The following NCOA2 variants were observed in gnomAD, a reference collection of about 807,000 sequenced individuals.
The protein encoded by NCOA2 is nuclear receptor coactivator 2.
In NCOA2, 21 loss-of-function variants were observed where a neutral mutation model predicts 145.1. That is an observed-to-expected ratio of 0.14 (90% CI 0.10 to 0.21). The LOEUF is 0.21. Ranked by LOEUF, NCOA2 falls within the 10% of genes least tolerant of loss-of-function variation. NCOA2 has a pLI of 1.00. For missense variants in NCOA2, 1,472 were observed against 1,837.6 expected (o/e 0.80, Z 3.64); for synonymous variants, 619 against 637.5 (o/e 0.97, Z 0.44).
chr8:70,144,987 TCA>T (rs903979396), intron 12 of NCOA2, 139 bp from the exon 13 acceptor site: 24 of 711,778 alleles, frequency 3.4e-5, no homozygotes, highest in African/African-American at 7.1e-5. Flanking sequence ...AAAGACAAAA[TCA>T]CAGACAAAAA....
intron 1 of NCOA2, among the ~76,000 whole-genome samples, chr8:70,309,482 C>G (rs1226930486): frequency 6.6e-6 from 1 of 150,920 alleles, no homozygotes; most frequent in Non-Finnish European, 1.5e-5. Flanking sequence ...TTCATTTACC[C>G]AACAAAGATT....
At chr8:70,235,123 T>C (rs1821481816) in intron 2 of NCOA2, among the ~76,000 whole-genome samples, 2 of 152,178 alleles carry the variant, frequency 1.3e-5, no homozygotes, top group South Asian at 2.1e-4. Flanking sequence ...ACACATATAA[T>C]AGAATATTAT....
chr8:70,255,570 T>C (rs1443729623), intron 2 of NCOA2, among the ~76,000 whole-genome samples: 1 of 152,222 alleles, frequency 6.6e-6, no homozygotes, highest in Non-Finnish European at 1.5e-5. Flanking sequence ...AAATGTGACT[T>C]TGAATCTCTC....
At chr8:70,376,548 A>G (rs1811684458) in intron 1 of NCOA2, among the ~76,000 whole-genome samples, 1 of 152,232 alleles carries the variant, frequency 6.6e-6, no homozygotes, top group South Asian at 2.1e-4. Flanking sequence ...TTCAGTTTGA[A>G]AAATTCTATT....
chr8:70,434,571 C>G, the NCOA2 span, among the ~76,000 whole-genome samples: 37,610 of 151,960 alleles, frequency 0.25, 4,856 homozygotes, highest in Middle Eastern at 0.31. Context: ...TTCTTTCTTT[C>G]TTTTTTCTTT....
chr8:70,263,938 C>T (rs570645927), intron 2 of NCOA2, among the ~76,000 whole-genome samples: 4 of 152,134 alleles, frequency 2.6e-5, no homozygotes, highest in Non-Finnish European at 5.9e-5. Flanking sequence ...GTGGGCCAGG[C>T]GTGGTGGCTC....
chr8:70,318,696 T>C (rs1019731859), intron 1 of NCOA2, among the ~76,000 whole-genome samples: 1 of 151,842 alleles, frequency 6.6e-6, no homozygotes, highest in Non-Finnish European at 1.5e-5. Flanking sequence ...GCCCAGGAGG[T>C]TGAGGCTGCC....
In NCOA2 at chr8:70,156,010, T is replaced by C. The variant is rs376815722; in HGVS notation, c.2355A>G (p.Lys785=). The change falls in exon 11 of 23, where the codon AAA becomes AAG. Residue 785 remains lysine (K), a synonymous_variant. Coordinates refer to ENST00000452400, the MANE Select transcript of NCOA2 (RefSeq NM_006540.4). ...CAAAGCTCATCTCCTCCTTCTCAGT[T>C]TTCATTGCTATTAATTTTGTGTTAC... is the stretch of plus-strand genomic sequence containing the variant. ...PASNTKLIAM[K]TEKEEMSFEP... 1.8e-5 allele frequency: 28 copies of C among 1,598,912 alleles called. No individual in the cohort carries two copies. In the African/African-American group the frequency reaches 3.4e-4, roughly 19 times the overall value.
intron 2 of NCOA2, among the ~76,000 whole-genome samples, chr8:70,249,647 A>G (rs989231548): frequency 4.6e-5 from 7 of 152,106 alleles, no homozygotes; most frequent in Admixed American, 1.3e-4. Context: ...TGTTCAGCAA[A>G]AAGAAGAAAC....
At position 70,110,487 on chromosome 8, in the gene NCOA2, G is replaced by C. The variant is rs1390388634; in HGVS notation, c.*3145C>G. The C allele has an allele frequency of 5.0e-6, 1 of 198,380 alleles. No homozygotes were observed. The highest frequency in any genetic ancestry group is 1.0e-5 in the Non-Finnish European group (1 of 95,978). 12.3% of individuals were successfully genotyped at this position (198,380 alleles called of 1,614,324 possible). ...GAAGCCACTACAGTAATTTTCTTTT[G>C]TGCAGAGGATGCTTTGCTCTTAGGC... On this transcript the variant is annotated 3_prime_UTR_variant, in exon 23 of 23. Coordinates refer to ENST00000452400, the MANE Select transcript of NCOA2 (RefSeq NM_006540.4).
chr8:70,181,725 G>A (rs553079467), intron 4 of NCOA2, among the ~76,000 whole-genome samples: 10 of 152,280 alleles, frequency 6.6e-5, no homozygotes, highest in African/African-American at 2.4e-4. Flanking sequence ...TTTTTCAGTA[G>A]ACTGACGTCA....
chr8:70,370,393 C>G (rs536081860), intron 1 of NCOA2, among the ~76,000 whole-genome samples: 1 of 152,208 alleles, frequency 6.6e-6, no homozygotes, highest in South Asian at 2.1e-4. Flanking sequence ...AATACAAATC[C>G]TATGTCAAAA....
chr8:70,302,354 T>G (rs1033872428), intron 1 of NCOA2, among the ~76,000 whole-genome samples: 1 of 152,204 alleles, frequency 6.6e-6, no homozygotes, highest in Non-Finnish European at 1.5e-5. Flanking sequence ...CTCAGAAGAA[T>G]AATTTATAAA....
intron 4 of NCOA2, among the ~76,000 whole-genome samples, chr8:70,200,548 C>G (rs73684222): frequency 6.6e-6 from 1 of 152,128 alleles, no homozygotes; most frequent in Non-Finnish European, 1.5e-5. Flanking sequence ...CTGACAAAAT[C>G]ATTGTGTAAT....
At chr8:70,319,668 C>G (rs1187988599) in intron 1 of NCOA2, among the ~76,000 whole-genome samples, 1 of 152,112 alleles carries the variant, frequency 6.6e-6, no homozygotes, top group Non-Finnish European at 1.5e-5. Flanking sequence ...CTGAGATAAT[C>G]TTTGGTAAAT....
intron 22 of NCOA2, among the ~76,000 whole-genome samples, chr8:70,117,956 C>T (rs1807333652): frequency 6.6e-6 from 1 of 152,218 alleles, no homozygotes; most frequent in African/African-American, 2.4e-5. Flanking sequence ...TTGGAGGTTA[C>T]ATGGCAGCTG....
intron 2 of NCOA2, among the ~76,000 whole-genome samples, chr8:70,264,855 T>C (rs911200417): frequency 2.0e-5 from 3 of 151,988 alleles, no homozygotes; most frequent in African/African-American, 4.8e-5. Flanking sequence ...CATAATGTTA[T>C]AGGAAAAAAA....
At chr8:70,129,033 G>C in intron 16 of NCOA2, 53 bp from the exon 17 acceptor site, 1 of 1,512,134 alleles carries the variant, frequency 6.6e-7, no homozygotes, top group South Asian at 1.2e-5. Flanking sequence ...AAAAACAGCA[G>C]AGTCAATATA....
chr8:70,271,680 C>T (rs568150175), intron 2 of NCOA2, among the ~76,000 whole-genome samples: 73 of 152,312 alleles, frequency 4.8e-4, no homozygotes, highest in African/African-American at 1.8e-3. Context: ...GAAGCTTTGG[C>T]CTTCAGTCAG....
Sources: allele counts gnomAD v4.1 joint callset (sites outside exome capture counted in the v4.1 genomes callset), GRCh38; gene constraint gnomAD v4.1.1; transcripts MANE v1.5; gene names NCBI Gene and HGNC (gene_info 2026-07-23, HGNC 2026-07-21).